GALNT3: variants seen among roughly 807,000 people sequenced by gnomAD.
GALNT3 encodes polypeptide N-acetylgalactosaminyltransferase 3.
A neutral mutation model predicts 69.8 loss-of-function variants in GALNT3; 51 were observed. The ratio of observed to expected loss-of-function variants is 0.73; its 90% CI spans 0.58 to 0.92. GALNT3 has a LOEUF of 0.92. Among genes scored for constraint, GALNT3 ranks in the 40% least tolerant of loss-of-function variants. The pLI is 0.00. For missense variants in GALNT3, 711 were observed against 760.0 expected (o/e 0.94, Z 0.76); for synonymous variants, 265 against 248.5 (o/e 1.07, Z -0.63).
At chr2:165,775,482 A>C (rs931518475) in intron 1 of GALNT3, among the ~76,000 whole-genome samples, 4 of 152,214 alleles carry the variant, frequency 2.6e-5, no homozygotes, top group African/African-American at 4.8e-5. Context: ...CTATTTCTGA[A>C]GGGATTAATC....
intron 2 of GALNT3, 39 bp from the exon 3 acceptor site, chr2:165,765,095 T>C: frequency 6.6e-7 from 1 of 1,510,072 alleles, no homozygotes; most frequent in Non-Finnish European, 9.2e-7. Flanking sequence ...AATTACAAAT[T>C]TTATTATTTT....
intron 3 of GALNT3, 131 bp from the exon 4 acceptor site, chr2:165,762,185 G>A (rs1688564169): frequency 4.1e-6 from 3 of 735,232 alleles, no homozygotes; most frequent in Non-Finnish European, 6.7e-6. Flanking sequence ...TGTCCTTCCA[G>A]CAAAATGAAA....
chr2:165,762,094 C>T (rs1404064021), intron 3 of GALNT3, 40 bp from the exon 4 acceptor site: 2 of 1,375,370 alleles, frequency 1.5e-6, no homozygotes, highest in Non-Finnish European at 2.1e-6. Context: ...TTTCTAAATG[C>T]ATTTTCATAT....
Position 165,748,503 on chromosome 2 carries a change from A to C in GALNT3, c.*278T>G, listed in dbSNP as rs1378399677. 10 of 443,874 alleles carry C rather than the reference A, an allele frequency of 2.3e-5. No homozygotes were observed. Among genetic ancestry groups the C allele is most frequent in the Middle Eastern group, 6.4e-4 (1 of 1,574 alleles). The allele number at this position is 443,874 out of a possible 1,614,324, so 27.5% of individuals were successfully genotyped here. A position where few individuals can be genotyped will look rare whatever the true frequency, so the allele number is the denominator to read the frequency against. On this transcript the variant is annotated 3_prime_UTR_variant, in exon 11 of 11. Transcript: ENST00000392701. ...TAAGTGTACAAAACACACAAACATCACTTTACTTGGAAAATTATTTTCATC... is the reference window on the plus strand; with the variant it reads ...TAAGTGTACAAAACACACAAACATCCCTTTACTTGGAAAATTATTTTCATC...
At chr2:165,781,003 T>G (rs1574015063) in intron 1 of GALNT3, among the ~76,000 whole-genome samples, 1 of 152,178 alleles carries the variant, frequency 6.6e-6, no homozygotes, top group Non-Finnish European at 1.5e-5. Flanking sequence ...AAGGTGTTTA[T>G]CAAAAAGTAA....
chr2:165,787,359 T>C (rs999216348), intron 1 of GALNT3, among the ~76,000 whole-genome samples: 39 of 152,248 alleles, frequency 2.6e-4, no homozygotes, highest in Admixed American at 2.0e-4. Flanking sequence ...GAGTGTGCTA[T>C]ATGTTTGATG....
At chr2:165,754,089 A>G (rs1370469605) in intron 9 of GALNT3, among the ~76,000 whole-genome samples, 1 of 140,368 alleles carries the variant, frequency 7.1e-6, no homozygotes, top group Non-Finnish European at 1.6e-5. Flanking sequence ...TTTTTTTTTT[A>G]ATTTGTTTGT....
chr2:165,748,972 T>C (rs1688307811), intron 10 of GALNT3, 69 bp from the exon 11 acceptor site: 4 of 1,480,404 alleles, frequency 2.7e-6, no homozygotes, highest in African/African-American at 1.4e-5. Flanking sequence ...ATGAAAAAGA[T>C]TTTATGGTTT....
Position 165,758,765 on chromosome 2 carries a change from A to G in GALNT3, c.1173T>C (p.Asn391=), listed in dbSNP as rs981290939. The change falls in exon 6 of 11, where the codon AAT becomes AAC. Residue 391 remains asparagine (N), a synonymous_variant. Coordinates refer to ENST00000392701, the MANE Select transcript of GALNT3 (RefSeq NM_004482.4). ...AACTTACTCTGAAAGACATTTCTATATTTTCACCTCCCCAGATTTCCATTT... is the reference window on the plus strand; with the variant it reads ...AACTTACTCTGAAAGACATTTCTATGTTTTCACCTCCCCAGATTTCCATTT... ...DEEMEIWGGE[N]IEMSFRVWQC... is the part of the protein sequence containing the mutation. 1.7e-5 allele frequency: 27 copies of G among 1,575,832 alleles called. No homozygotes were observed. Among genetic ancestry groups the G allele is most frequent in the Non-Finnish European group, 2.3e-5 (26 of 1,145,446 alleles).
At chr2:165,778,488 G>T (rs1683022956) in intron 1 of GALNT3, among the ~76,000 whole-genome samples, 1 of 152,196 alleles carries the variant, frequency 6.6e-6, no homozygotes, top group South Asian at 2.1e-4. Flanking sequence ...ACAGGAAATT[G>T]CCTAGTGGGA....
At chr2:165,786,527 A>C (rs2105230783) in intron 1 of GALNT3, among the ~76,000 whole-genome samples, 1 of 152,344 alleles carries the variant, frequency 6.6e-6, no homozygotes, top group East Asian at 1.9e-4. Context: ...CAATTACTTT[A>C]AATCATCTCT....
chr2:165,782,833 C>T (rs560888935), intron 1 of GALNT3, among the ~76,000 whole-genome samples: 1 of 152,248 alleles, frequency 6.6e-6, no homozygotes, highest in East Asian at 1.9e-4. Context: ...GGTCTGAAAA[C>T]TGAGTGAGAT....
chr2:165,770,091 G>C lies in GALNT3; in HGVS notation c.515+95C>G, dbSNP rs572853587. ...CAGTATTTGCTGATTTTCTGCCTTA[G>C]AGTAGCTAAAAAACAGATAACTTCC... On this transcript the variant is annotated intron_variant, in intron 2 of 10. Coordinates refer to ENST00000392701, the MANE Select transcript of GALNT3 (RefSeq NM_004482.4). 5.8e-4 allele frequency: 820 copies of C among 1,403,406 alleles called. 4 individuals carry two copies. The highest frequency in any genetic ancestry group is 6.8e-4 in the Non-Finnish European group (680 of 1,003,406). The allele number at this position is 1,403,406 out of a possible 1,614,324, so 86.9% of individuals were successfully genotyped here.
intron 1 of GALNT3, among the ~76,000 whole-genome samples, chr2:165,772,517 T>G (rs557772585): frequency 5.9e-4 from 77 of 130,190 alleles, no homozygotes; most frequent in African/African-American, 2.2e-3. Flanking sequence ...CTCAAGAGGT[T>G]AAGGCTGCAT....
chr2:165,755,203 A>G, intron 7 of GALNT3, 140 bp from the exon 8 acceptor site: 3 of 807,922 alleles, frequency 3.7e-6, no homozygotes, highest in Non-Finnish European at 4.1e-6. Flanking sequence ...AACAGCCTTC[A>G]TCATTCATTC....
At chr2:165,766,452 G>A (rs1688644237) in intron 2 of GALNT3, among the ~76,000 whole-genome samples, 1 of 152,148 alleles carries the variant, frequency 6.6e-6, no homozygotes, top group African/African-American at 2.4e-5. Flanking sequence ...CTGGGGTGCA[G>A]GAGAGTCTGC....
rs371366884 is a variant in GALNT3, at chr2:165,770,242, G to A, written c.459C>T (p.Phe153=). The A allele has an allele frequency of 1.8e-4, 288 of 1,614,094 alleles. No homozygotes were observed. Among genetic ancestry groups the A allele is most frequent in the Admixed American group, 2.7e-4 (16 of 60,024 alleles). The part of the protein sequence containing the change: ...RGEAKHCFNA[F]ASDRISLHRD... ...GGTGCAAAGAAATCCTGTCACTTGCGAAAGCATTAAAGCAGTGTTTAGCTT... is the reference window on the plus strand; with the variant it reads ...GGTGCAAAGAAATCCTGTCACTTGCAAAAGCATTAAAGCAGTGTTTAGCTT... Residue 153 remains phenylalanine, a synonymous_variant, in exon 2 of 11, where the codon TTC becomes TTT. Coordinates refer to ENST00000392701, the MANE Select transcript of GALNT3 (RefSeq NM_004482.4).
chr2:165,789,370 C>G (rs114860159), intron 1 of GALNT3, among the ~76,000 whole-genome samples: 1 of 152,156 alleles, frequency 6.6e-6, no homozygotes, highest in African/African-American at 2.4e-5. Flanking sequence ...CCAAGGCCCT[C>G]GTGACCTGAT....
intron 1 of GALNT3, among the ~76,000 whole-genome samples, chr2:165,773,587 T>C (rs1559003522): frequency 6.6e-6 from 1 of 152,144 alleles, no homozygotes; most frequent in Non-Finnish European, 1.5e-5. Flanking sequence ...AAATGTAATA[T>C]GCTAATGGAA....
Sources: allele counts gnomAD v4.1 joint callset (sites outside exome capture counted in the v4.1 genomes callset), GRCh38; gene constraint gnomAD v4.1.1; transcripts MANE v1.5; gene names NCBI Gene and HGNC (gene_info 2026-07-23, HGNC 2026-07-21).